PTBP3: variants seen among roughly 807,000 people sequenced by gnomAD.
PTBP3 encodes the protein polypyrimidine tract-binding protein 3.
In PTBP3, 20 loss-of-function variants were observed where a neutral mutation model predicts 58.7. That is an observed-to-expected ratio of 0.34 (90% CI 0.24 to 0.50). PTBP3 has a LOEUF of 0.50. PTBP3 is among the 20% of genes least tolerant of loss of function. PTBP3 has a pLI of 0.98. For synonymous variants in PTBP3, 185 were observed against 219.8 expected, an observed-to-expected ratio of 0.84 and a Z score of 1.40; for missense variants, 509 against 637.2, an observed-to-expected ratio of 0.80 and a Z score of 2.17.
upstream of PTBP3, chr9:112,333,750 T>G (rs1830491108): frequency 4.1e-6 from 1 of 241,254 alleles, no homozygotes; most frequent in South Asian, 2.3e-4. Context: ...GGCCCGCCCC[T>G]GCGCTCGCGC....
At chr9:112,325,155 C>T (rs988661792) in intron 1 of PTBP3, among the ~76,000 whole-genome samples, 1 of 152,196 alleles carries the variant, frequency 6.6e-6, no homozygotes, top group Non-Finnish European at 1.5e-5. Flanking sequence ...CAAGAGACGG[C>T]AAAATGCCTA....
chr9:112,261,652 T>C (rs886084314), intron 5 of PTBP3, among the ~76,000 whole-genome samples: 1 of 152,194 alleles, frequency 6.6e-6, no homozygotes, highest in Non-Finnish European at 1.5e-5. Flanking sequence ...GCTGACTAAA[T>C]TTTGGGGCTA....
Position 112,295,887 on chromosome 9 carries a change from G to A in PTBP3, c.34+1945C>T, listed in dbSNP as rs965818719. On this transcript the variant is annotated intron_variant, in intron 2 of 13. Transcript: ENST00000374257. Reference sequence around the variant, plus strand: ...CCTAAGATATTGTAGGTAAAGGTTCGGGGAAGAAGGATTCTTTGTTTTAGA... The same window carrying A: ...CCTAAGATATTGTAGGTAAAGGTTCAGGGAAGAAGGATTCTTTGTTTTAGA... Among the ~76,000 whole-genome samples the A allele has an allele frequency of 7.9e-5, 12 of 152,052 alleles. No homozygotes were observed. The East Asian group carries it at 9.6e-4, about 12-fold the overall frequency.
At chr9:112,365,167 T>C in the PTBP3 span, among the ~76,000 whole-genome samples, 1 of 77,036 alleles carries the variant, frequency 1.3e-5, no homozygotes, top group African/African-American at 4.5e-5. Flanking sequence ...TATCTATCTA[T>C]CTATGTATCT....
chr9:112,294,848 G>A (rs982205767), intron 2 of PTBP3, among the ~76,000 whole-genome samples: 2 of 152,082 alleles, frequency 1.3e-5, no homozygotes, highest in Non-Finnish European at 2.9e-5. Flanking sequence ...TGTACTAGCA[G>A]TATCCAGCTA....
At position 112,221,400 on chromosome 9, in the gene PTBP3, T is replaced by G. The variant is rs1834801734; in HGVS notation, c.*2451A>C. The G allele has an allele frequency of 1.0e-6, 1 of 985,716 alleles. No homozygotes were observed. Among genetic ancestry groups the G allele is most frequent in the Admixed American group, 6.1e-5 (1 of 16,266 alleles). The allele number at this position is 985,716 out of a possible 1,614,324, so 61.1% of individuals were successfully genotyped here. ...TACATTCAACACCACTATGATCCCC[T>G]TCCGTTATTAGCAACTTTGCTACAC... is the stretch of plus-strand genomic sequence containing the variant. On this transcript the variant is annotated 3_prime_UTR_variant, in exon 14 of 14. Coordinates refer to ENST00000374257, the MANE Select transcript of PTBP3 (RefSeq NM_001163788.4).
chr9:112,263,363 C>G (rs934344091), intron 4 of PTBP3, among the ~76,000 whole-genome samples: 48 of 152,120 alleles, frequency 3.2e-4, no homozygotes, highest in Admixed American at 2.4e-3. Context: ...CAAGTAACAA[C>G]TTTATAGTGG....
At chr9:112,305,940 A>G (rs1346171023) in intron 1 of PTBP3, among the ~76,000 whole-genome samples, 1 of 152,074 alleles carries the variant, frequency 6.6e-6, no homozygotes, top group African/African-American at 2.4e-5. Flanking sequence ...ACTCTGTCTC[A>G]AAAAATAAAA....
At chr9:112,295,658 C>T (rs2132304154) in intron 2 of PTBP3, among the ~76,000 whole-genome samples, 1 of 149,666 alleles carries the variant, frequency 6.7e-6, no homozygotes, top group African/African-American at 2.5e-5. Context: ...ACAATCTCTG[C>T]CATTAATTCC....
intron 1 of PTBP3, among the ~76,000 whole-genome samples, chr9:112,309,990 TA>T (rs1255750044): frequency 1.3e-5 from 2 of 152,180 alleles, no homozygotes; most frequent in African/African-American, 2.4e-5. Context: ...TTGCTATTGG[TA>T]ACTCTACTGA....
At chr9:112,253,095 T>C (rs931373826) in intron 5 of PTBP3, among the ~76,000 whole-genome samples, 3 of 152,146 alleles carry the variant, frequency 2.0e-5, no homozygotes, top group African/African-American at 7.2e-5. Flanking sequence ...TGAATAAAAG[T>C]GGGAGTCATG....
chr9:112,267,563 C>T (rs1827149048), intron 4 of PTBP3, among the ~76,000 whole-genome samples: 1 of 152,146 alleles, frequency 6.6e-6, no homozygotes, highest in African/African-American at 2.4e-5. Context: ...ACAAAAGACT[C>T]AACGTGTGCT....
intron 7 of PTBP3, among the ~76,000 whole-genome samples, chr9:112,244,352 A>G (rs1835793865): frequency 6.7e-6 from 1 of 150,196 alleles, no homozygotes; most frequent in Non-Finnish European, 1.5e-5. Flanking sequence ...ATCTTTAAGG[A>G]GAAAAGTCAC....
At chr9:112,347,925 T>C in the PTBP3 span, among the ~76,000 whole-genome samples, 1 of 152,232 alleles carries the variant, frequency 6.6e-6, no homozygotes, top group East Asian at 1.9e-4. Context: ...TACACATATT[T>C]TGAATGTATC....
chr9:112,291,338 T>C (rs1177721469), intron 2 of PTBP3, among the ~76,000 whole-genome samples: 3 of 147,352 alleles, frequency 2.0e-5, no homozygotes, highest in East Asian at 2.0e-4. Flanking sequence ...CTTATCAAAA[T>C]CCCAATGGCA....
intron 7 of PTBP3, among the ~76,000 whole-genome samples, chr9:112,246,453 G>A (rs549435398): frequency 2.9e-4 from 44 of 152,062 alleles, no homozygotes; most frequent in African/African-American, 1.0e-3. Flanking sequence ...CCAGCACTTC[G>A]GGAGGCTGAG....
the PTBP3 span, among the ~76,000 whole-genome samples, chr9:112,365,003 T>C: frequency 6.6e-6 from 1 of 152,158 alleles, no homozygotes; most frequent in Non-Finnish European, 1.5e-5. Flanking sequence ...TTCTACGTGT[T>C]CAACATTTTT....
intron 2 of PTBP3, among the ~76,000 whole-genome samples, chr9:112,294,165 A>G (rs1295898154): frequency 6.6e-6 from 1 of 152,212 alleles, no homozygotes; most frequent in Non-Finnish European, 1.5e-5. Context: ...ATTGATAATA[A>G]AAACTAAGTA....
chr9:112,347,597 C>A, the PTBP3 span, among the ~76,000 whole-genome samples: 4 of 152,030 alleles, frequency 2.6e-5, no homozygotes, highest in African/African-American at 9.7e-5. Flanking sequence ...CCTGTCTTGG[C>A]CTCCCAAAGT....
Sources: gnomAD v4.1 joint callset for allele counts (sites outside exome capture counted in the v4.1 genomes callset) on GRCh38, gnomAD v4.1.1 for gene constraint, MANE v1.5 for transcripts, NCBI Gene and HGNC (gene_info 2026-07-23, HGNC 2026-07-21) for gene names.